The following SEMA6D variants were observed in gnomAD, a reference collection of about 807,000 sequenced individuals.
The protein encoded by SEMA6D is semaphorin-6D.
A neutral mutation model predicts 106.6 loss-of-function variants in SEMA6D; 35 were observed. The observed-to-expected ratio is 0.33, with a 90% CI of 0.25 to 0.44. SEMA6D has a LOEUF of 0.44. Ranked by LOEUF, SEMA6D falls within the 20% of genes least tolerant of loss-of-function variation. The pLI is 1.00. For missense variants in SEMA6D, 1,185 were observed against 1,345.9 expected (o/e 0.88, Z 1.87); for synonymous variants, 499 against 487.7 (o/e 1.02, Z -0.31).
rs560408205 is a variant in SEMA6D, at chr15:47,330,030, T to G, written c.-238-82363T>G. Among the ~76,000 whole-genome samples, 8 of 152,318 alleles carry G rather than the reference T, an allele frequency of 5.3e-5. No homozygotes were observed. The South Asian group carries it at 6.2e-4, about 12-fold the overall frequency. Reference sequence around the variant, plus strand: ...TGCCTCTATTTATAATGAGCATCTATATTTATAATGGCACCTTTACTGATC... The same window carrying G: ...TGCCTCTATTTATAATGAGCATCTAGATTTATAATGGCACCTTTACTGATC... On this transcript the variant is annotated intron_variant, in intron 1 of 19. Transcript: ENST00000558014.
intron 4 of SEMA6D, among the ~76,000 whole-genome samples, chr15:47,610,107 T>G (rs2076866587): frequency 6.6e-6 from 1 of 152,204 alleles, no homozygotes; most frequent in Non-Finnish European, 1.5e-5. Flanking sequence ...AGGAAGTATT[T>G]CTTGACTCTC....
intron 1 of SEMA6D, among the ~76,000 whole-genome samples, chr15:47,294,559 A>C (rs1276252668): frequency 6.6e-6 from 1 of 152,176 alleles, no homozygotes; most frequent in Non-Finnish European, 1.5e-5. Flanking sequence ...TAAAATTTAA[A>C]ATGTTACAAA....
Position 47,502,967 on chromosome 15 carries a change from G to T in SEMA6D, c.-87+32422G>T, listed in dbSNP as rs117121773. Among the ~76,000 whole-genome samples the T allele has an allele frequency of 2.1e-3, 326 of 152,256 alleles. 14 individuals carry two copies. In the South Asian group the frequency reaches 0.048, roughly 23 times the overall value. ...TGTTTAAAGCCTGGTCTCATTTTGT[G>T]TTTTCATTTTGACACTTGATATGAA... On this transcript the variant is annotated intron_variant, in intron 3 of 19. Coordinates refer to the SEMA6D transcript ENST00000558014.
At position 47,411,399 on chromosome 15, in the gene SEMA6D, G is replaced by T. The variant is rs1022060539; in HGVS notation, c.-238-994G>T. 2.0e-5 allele frequency among the ~76,000 whole-genome samples: 3 copies of T among 152,136 alleles called. No homozygotes were observed. In the East Asian group the frequency reaches 5.8e-4, roughly 29 times the overall value. ...CTTGTTTTAATATTCACAGTTGCATGCATGCCTGCCATTGAAGAACTACCC... is the reference window on the plus strand; with the variant it reads ...CTTGTTTTAATATTCACAGTTGCATTCATGCCTGCCATTGAAGAACTACCC... On this transcript the variant is annotated intron_variant, in intron 1 of 19. Transcript: ENST00000558014.
chr15:47,669,820 A>T (rs1028227520), intron 4 of SEMA6D, among the ~76,000 whole-genome samples: 1 of 152,176 alleles, frequency 6.6e-6, no homozygotes, highest in African/African-American at 2.4e-5. Flanking sequence ...ACCGCCTTGA[A>T]GTCTGACCTG....
intron 1 of SEMA6D, among the ~76,000 whole-genome samples, chr15:47,258,795 A>T (rs77159975): frequency 1.3e-5 from 2 of 152,094 alleles, no homozygotes; most frequent in Non-Finnish European, 2.9e-5. Flanking sequence ...TATCATATAC[A>T]TAACACTTGG....
intron 4 of SEMA6D, among the ~76,000 whole-genome samples, chr15:47,615,591 A>G (rs1174638868): frequency 6.6e-6 from 1 of 152,252 alleles, no homozygotes; most frequent in Non-Finnish European, 1.5e-5. Context: ...TATTGCAAAA[A>G]AAATCCTTAT....
intron 2 of SEMA6D, among the ~76,000 whole-genome samples, chr15:47,416,106 A>G (rs2140345028): frequency 6.6e-6 from 1 of 152,246 alleles, no homozygotes; most frequent in Admixed American, 6.5e-5. Context: ...TTAGGAGTAA[A>G]GTTTGCACAC....
chr15:47,532,066 A>G (rs917278149), intron 3 of SEMA6D, among the ~76,000 whole-genome samples: 8 of 152,152 alleles, frequency 5.3e-5, no homozygotes, highest in East Asian at 1.9e-4. Context: ...TCTTTTTGGT[A>G]TCCAAAGACC....
intron 2 of SEMA6D, among the ~76,000 whole-genome samples, chr15:47,457,072 C>G (rs2042367364): frequency 6.6e-6 from 1 of 151,956 alleles, no homozygotes; most frequent in South Asian, 2.1e-4. Context: ...AGTGGAAAAA[C>G]TTTGCATTAT....
At chr15:47,301,728 G>T (rs890228783) in intron 1 of SEMA6D, among the ~76,000 whole-genome samples, 1 of 152,214 alleles carries the variant, frequency 6.6e-6, no homozygotes, top group Non-Finnish European at 1.5e-5. Context: ...GCTGTGAGAG[G>T]GAGGAAACGA....
chr15:47,367,743 G>A (rs1053391136), intron 1 of SEMA6D, among the ~76,000 whole-genome samples: 9 of 151,796 alleles, frequency 5.9e-5, no homozygotes, highest in South Asian at 2.1e-4. Context: ...GAGAGAAAGA[G>A]AGAGAGAGTT....
At chr15:47,335,855 G>C (rs2037532232) in intron 1 of SEMA6D, among the ~76,000 whole-genome samples, 1 of 152,148 alleles carries the variant, frequency 6.6e-6, no homozygotes. Context: ...GGTTAAGACG[G>C]AGCTCTTACT....
chr15:47,711,297 G>A (rs1411101053), intron 4 of SEMA6D, among the ~76,000 whole-genome samples: 1 of 113,214 alleles, frequency 8.8e-6, no homozygotes, highest in Non-Finnish European at 1.8e-5. Context: ...GCGACAGAGC[G>A]AGACTCCGTC....
At chr15:47,505,481 T>TCCC (rs2044009050) in intron 3 of SEMA6D, among the ~76,000 whole-genome samples, 4 of 152,100 alleles carry the variant, frequency 2.6e-5, no homozygotes, top group Non-Finnish European at 5.9e-5. Context: ...TAAAGAACAT[T>TCCC]TGGGGACAAT....
intron 3 of SEMA6D, among the ~76,000 whole-genome samples, chr15:47,499,647 T>C (rs1429900910): frequency 6.6e-6 from 1 of 152,176 alleles, no homozygotes; most frequent in Admixed American, 6.5e-5. Context: ...CTCAGAGTTA[T>C]ATTCCTTATG....
chr15:47,477,027 A>G (rs138794614), intron 3 of SEMA6D, among the ~76,000 whole-genome samples: 176 of 152,320 alleles, frequency 1.2e-3, no homozygotes, highest in African/African-American at 4.2e-3. Flanking sequence ...GACATTTCAT[A>G]ATGTGGAATA....
chr15:47,742,101 G>A (rs371659366), intron 1 of SEMA6D, among the ~76,000 whole-genome samples: 5 of 152,200 alleles, frequency 3.3e-5, no homozygotes, highest in Admixed American at 3.3e-4. Context: ...CTGGCCACTC[G>A]CAGAGGAACT....
At chr15:47,713,158 A>G (rs150736692), upstream of SEMA6D, among the ~76,000 whole-genome samples, 304 of 152,286 alleles carry the variant, frequency 2.0e-3, 1 homozygote, top group African/African-American at 6.7e-3. Flanking sequence ...CATTAGCAAA[A>G]TTAGATAAGT....
Sources: allele counts gnomAD v4.1 joint callset (sites outside exome capture counted in the v4.1 genomes callset), GRCh38; gene constraint gnomAD v4.1.1; transcripts MANE v1.5; gene names NCBI Gene and HGNC (gene_info 2026-07-23, HGNC 2026-07-21).